Variants in SUFU observed in about 807,000 individuals in gnomAD.
The protein encoded by SUFU is SUFU negative regulator of hedgehog signaling.
A neutral mutation model predicts 58.9 loss-of-function variants in SUFU; 7 were observed. The ratio of observed to expected loss-of-function variants is 0.12; its 90% confidence interval spans 0.07 to 0.22. The LOEUF (loss-of-function observed/expected upper bound fraction) is 0.22. Among genes scored for constraint, SUFU ranks in the 10% least tolerant of loss-of-function variants. The pLI is 1.00. For synonymous variants in SUFU, 232 were observed against 254.8 expected (o/e 0.91, Z 0.85); for missense variants, 451 against 641.3 (o/e 0.70, Z 3.20).
intron 2 of SUFU, among the ~76,000 whole-genome samples, chr10:102,545,297 T>TA (rs2062843713): frequency 6.7e-6 from 1 of 148,624 alleles, no homozygotes; most frequent in African/African-American, 2.5e-5. Context: ...TTTTGTATTT[T>TA]TTTTTTTTTT....
intron 11 of SUFU, among the ~76,000 whole-genome samples, chr10:102,627,696 C>A (rs1008482999): frequency 6.6e-6 from 1 of 152,208 alleles, no homozygotes; most frequent in African/African-American, 2.4e-5. Flanking sequence ...CTCGGGCCAC[C>A]CAGGAGCCAC....
Position 102,617,714 on chromosome 10 carries a change from A to T in SUFU, c.1296+286A>T. ...TAATTCTGGTTCCCCGTGGAAATCC[A>T]GGTTGGAGGGATATAAGACTTTCTG... On this transcript the variant is annotated intron_variant, in intron 10 of 11. Transcript: ENST00000369902. The surrounding 1 kb of genome is among the most constrained non-coding windows in gnomAD (Gnocchi z 4.4). 1.7e-6 allele frequency: 1 copy of T among 598,148 alleles called. No homozygotes were observed. 37.1% of individuals were successfully genotyped at this position (598,148 alleles called of 1,614,324 possible).
At chr10:102,578,944 G>A (rs1286690727) in intron 3 of SUFU, among the ~76,000 whole-genome samples, 1 of 152,056 alleles carries the variant, frequency 6.6e-6, no homozygotes, top group South Asian at 2.1e-4. Context: ...CCTCGTGCTG[G>A]TGAAGGAGAG....
rs1401882800 is a variant in SUFU at position 102,615,390 on chromosome 10, C to T, written c.1145C>T (p.Pro382Leu). 3.1e-6 allele frequency: 5 copies of T among 1,614,096 alleles called. No homozygotes were observed. The highest frequency in any genetic ancestry group is 4.2e-6 in the Non-Finnish European group (5 of 1,179,976). ...AACCAGGAGTCCGGAGCCCTCATTC[C>T]TCTCTGCCTAAGGTGAGCGAGACAG... ...KFNQESGALI[P>L]LCLRGRLLHG... Residue 382 changes from proline (P) to leucine (L), a missense_variant, in exon 9 of 12, where the codon CCT becomes CTT. Physicochemically the swap from Pro to Leu is moderately conservative, Grantham distance 98. Coordinates refer to ENST00000369902, the MANE Select transcript of SUFU (RefSeq NM_016169.4).
chr10:102,593,487 A>C, intron 4 of SUFU, 149 bp from the exon 5 acceptor site: 1 of 810,086 alleles, frequency 1.2e-6, no homozygotes, highest in African/African-American at 1.7e-5. Context: ...TCCTAAGGGA[A>C]TCATCCAATC....
chr10:102,605,344 A>T (rs986934156), intron 8 of SUFU, among the ~76,000 whole-genome samples: 1 of 152,108 alleles, frequency 6.6e-6, no homozygotes, highest in Non-Finnish European at 1.5e-5. Flanking sequence ...GCAAAACCCC[A>T]TCTCTACAAA....
chr10:102,510,653 C>T (rs1451714192), intron 2 of SUFU, among the ~76,000 whole-genome samples: 2 of 151,530 alleles, frequency 1.3e-5, no homozygotes, highest in Admixed American at 6.6e-5. Flanking sequence ...GAAACCTTGT[C>T]TCTACTAAAA....
intron 10 of SUFU, among the ~76,000 whole-genome samples, chr10:102,622,734 G>A (rs2063750666): frequency 6.6e-6 from 1 of 151,808 alleles, no homozygotes; most frequent in South Asian, 2.1e-4. Flanking sequence ...CAGGAGAATG[G>A]CATGAACCCA....
intron 3 of SUFU, among the ~76,000 whole-genome samples, chr10:102,566,629 G>A (rs891396580): frequency 4.6e-5 from 7 of 152,084 alleles, no homozygotes; most frequent in African/African-American, 1.7e-4. Flanking sequence ...ACCAGGCGTG[G>A]TGGCGGGCGC....
chr10:102,558,392 G>A (rs1244947793), intron 3 of SUFU, among the ~76,000 whole-genome samples: 1 of 152,082 alleles, frequency 6.6e-6, no homozygotes, highest in Non-Finnish European at 1.5e-5. Flanking sequence ...TAAACTTTTT[G>A]TAGAGACAGG....
chr10:102,574,852 C>T (rs1381473208), intron 3 of SUFU, among the ~76,000 whole-genome samples: 2 of 152,064 alleles, frequency 1.3e-5, no homozygotes, highest in Non-Finnish European at 2.9e-5. Flanking sequence ...GTCAGGAGTT[C>T]AAGACCAGCC....
At chr10:102,535,517 A>G (rs973226180) in intron 2 of SUFU, among the ~76,000 whole-genome samples, 1 of 150,376 alleles carries the variant, frequency 6.6e-6, no homozygotes, top group Admixed American at 6.6e-5. Context: ...AAAGAAAGAA[A>G]AAAGAAAGAA....
At chr10:102,537,764 T>C (rs1351535791) in intron 2 of SUFU, among the ~76,000 whole-genome samples, 1 of 152,202 alleles carries the variant, frequency 6.6e-6, no homozygotes, top group African/African-American at 2.4e-5. Context: ...AATATTCCAT[T>C]ATATGTGTAT....
At chr10:102,596,581 T>C (rs976879321) in intron 6 of SUFU, among the ~76,000 whole-genome samples, 2 of 152,200 alleles carry the variant, frequency 1.3e-5, no homozygotes, top group African/African-American at 4.8e-5. Flanking sequence ...AACCAATGCA[T>C]CTAGGGAAGT....
chr10:102,521,172 G>A (rs978462599), intron 2 of SUFU, among the ~76,000 whole-genome samples: 3 of 152,150 alleles, frequency 2.0e-5, no homozygotes, highest in Admixed American at 6.6e-5. Context: ...ATTCCAATAG[G>A]TGTGGAGTGG....
At chr10:102,506,885 G>C (rs2062334673) in intron 1 of SUFU, among the ~76,000 whole-genome samples, 1 of 152,104 alleles carries the variant, frequency 6.6e-6, no homozygotes, top group Non-Finnish European at 1.5e-5. Flanking sequence ...CTGAGTAGTG[G>C]GGACATTCTA....
At chr10:102,555,616 C>T (rs147953175) in intron 3 of SUFU, among the ~76,000 whole-genome samples, 10 of 152,224 alleles carry the variant, frequency 6.6e-5, no homozygotes, top group Non-Finnish European at 1.2e-4. Flanking sequence ...ATTCTAAGTC[C>T]GGTAGAGCCT....
intron 1 of SUFU, among the ~76,000 whole-genome samples, chr10:102,505,297 C>T (rs2062311075): frequency 6.6e-6 from 1 of 152,190 alleles, no homozygotes; most frequent in Non-Finnish European, 1.5e-5. Context: ...TTTCTTCCTT[C>T]AGCATTTGGG....
intron 3 of SUFU, among the ~76,000 whole-genome samples, chr10:102,588,169 C>G (rs1242086119): frequency 6.6e-6 from 1 of 151,996 alleles, no homozygotes; most frequent in Non-Finnish European, 1.5e-5. Flanking sequence ...GGCCGAGGCA[C>G]GCGGATCACG....
Sources: gnomAD v4.1 joint callset for allele counts (sites outside exome capture counted in the v4.1 genomes callset) on GRCh38, gnomAD v4.1.1 for gene constraint, Gnocchi (gnomAD v3.1) non-coding constraint, MANE v1.5 for transcripts, NCBI Gene and HGNC (gene_info 2026-07-23, HGNC 2026-07-21) for gene names.